The following IGF1R variants were observed in gnomAD, a reference collection of about 807,000 sequenced individuals.
The protein encoded by IGF1R is insulin like growth factor 1 receptor.
In IGF1R, 44 loss-of-function variants were observed where a neutral mutation model predicts 144.6. The ratio of observed to expected loss-of-function variants is 0.30; its 90% CI spans 0.24 to 0.39. IGF1R has a LOEUF of 0.39. IGF1R is among the 10% of genes least tolerant of loss of function. The probability of loss-of-function intolerance (pLI) is 1.00; values close to 1 mark genes in which losing one functional copy is unlikely to be tolerated. For synonymous variants in IGF1R, 795 were observed against 722.8 expected, an observed-to-expected ratio of 1.10 and a Z score of -1.60; for missense variants, 1,355 against 1,833.7, an observed-to-expected ratio of 0.74 and a Z score of 4.77.
chr15:98,949,968 G>A (rs576816702), intron 20 of IGF1R, among the ~76,000 whole-genome samples: 1 of 152,318 alleles, frequency 6.6e-6, no homozygotes, highest in South Asian at 2.1e-4. Context: ...TACAGGTTGG[G>A]AGCAGTGGCC....
At chr15:98,693,991 G>A (rs1358499813) in intron 1 of IGF1R, among the ~76,000 whole-genome samples, 1 of 152,188 alleles carries the variant, frequency 6.6e-6, no homozygotes, top group African/African-American at 2.4e-5. Context: ...GGAGTAATGG[G>A]AGACATTTCT....
chr15:98,676,668 C>G (rs570115020), intron 1 of IGF1R, among the ~76,000 whole-genome samples: 1 of 152,138 alleles, frequency 6.6e-6, no homozygotes, highest in African/African-American at 2.4e-5. Context: ...AAAAAGAAAA[C>G]ACAAATTCAT....
At chr15:98,853,307 T>C (rs1220495701) in intron 2 of IGF1R, among the ~76,000 whole-genome samples, 1 of 152,202 alleles carries the variant, frequency 6.6e-6, no homozygotes, top group Non-Finnish European at 1.5e-5. Flanking sequence ...ACAATGTGGT[T>C]GTATTCAGTG....
At chr15:98,950,268 CAT>C (rs2016723891) in intron 20 of IGF1R, among the ~76,000 whole-genome samples, 2 of 152,322 alleles carry the variant, frequency 1.3e-5, no homozygotes, top group South Asian at 2.1e-4. Flanking sequence ...ATGAACCAGA[CAT>C]GTGTCAGGTG....
chr15:98,950,768 A>G (rs954919370), intron 20 of IGF1R, among the ~76,000 whole-genome samples: 3 of 152,206 alleles, frequency 2.0e-5, no homozygotes, highest in African/African-American at 7.2e-5. Context: ...CATGTTCACA[A>G]GTCCCACCCG....
At chr15:98,887,184 C>G (rs958013796) in intron 2 of IGF1R, among the ~76,000 whole-genome samples, 6 of 152,308 alleles carry the variant, frequency 3.9e-5, no homozygotes, top group Non-Finnish European at 8.8e-5. Flanking sequence ...CACCTGACTT[C>G]CCCAGCCTGT....
At chr15:98,877,911 G>A (rs759633762) in intron 2 of IGF1R, among the ~76,000 whole-genome samples, 4 of 152,174 alleles carry the variant, frequency 2.6e-5, no homozygotes, top group Admixed American at 6.5e-5. Flanking sequence ...CAGTTTAGTC[G>A]TTTAAGTTAT....
chr15:98,769,951 G>A (rs1190539551), intron 2 of IGF1R, among the ~76,000 whole-genome samples: 1 of 152,030 alleles, frequency 6.6e-6, no homozygotes, highest in African/African-American at 2.4e-5. Context: ...TCCGGTGAGT[G>A]TTAATCTCCC....
intron 2 of IGF1R, among the ~76,000 whole-genome samples, chr15:98,783,669 C>G (rs1007700084): frequency 6.6e-6 from 1 of 152,048 alleles, no homozygotes; most frequent in African/African-American, 2.4e-5. Context: ...TTGCTCATTG[C>G]CAGTATATAG....
Position 98,960,314 on chromosome 15 carries a change from C to T in IGF1R, c.*2872C>T. ...TTGCTTTTTTTGTTTTGTTTTCTAT[C>T]TTGGTTTCCACCAAGGTGTTAGATT... On this transcript the variant is annotated 3_prime_UTR_variant, in exon 21 of 21. Coordinates refer to ENST00000650285, the MANE Select transcript of IGF1R (RefSeq NM_000875.5). The T allele has an allele frequency of 4.3e-6, 1 of 233,090 alleles. No individual in the cohort carries two copies. Among genetic ancestry groups the T allele is most frequent in the Non-Finnish European group, 8.5e-6 (1 of 117,964 alleles). 14.4% of individuals were successfully genotyped at this position (233,090 alleles called of 1,614,324 possible). A position where few individuals can be genotyped will look rare whatever the true frequency, so the allele number is the denominator to read the frequency against.
At chr15:98,741,235 C>CTGTT (rs755082795) in intron 2 of IGF1R, among the ~76,000 whole-genome samples, 7 of 70,330 alleles carry the variant, frequency 1.0e-4, no homozygotes, top group South Asian at 4.9e-4. Flanking sequence ...TTTTCCTGAG[C>CTGTT]TTTTTTTTTT....
chr15:98,819,233 A>C (rs935945381), intron 2 of IGF1R, among the ~76,000 whole-genome samples: 11 of 152,280 alleles, frequency 7.2e-5, no homozygotes, highest in Admixed American at 7.2e-4. Flanking sequence ...CTGTCGAGAA[A>C]AATGAAATCA....
intron 2 of IGF1R, among the ~76,000 whole-genome samples, chr15:98,753,817 T>C (rs1409738712): frequency 6.6e-6 from 1 of 152,206 alleles, no homozygotes; most frequent in East Asian, 1.9e-4. Flanking sequence ...AAGATGTGAG[T>C]TGGGAGGTCT....
At chr15:98,669,827 C>G (rs965617104) in intron 1 of IGF1R, among the ~76,000 whole-genome samples, 2 of 152,172 alleles carry the variant, frequency 1.3e-5, no homozygotes, top group African/African-American at 4.8e-5. Context: ...CTGCACAAAG[C>G]TCGGAGGGGC....
chr15:98,952,392 C>T (rs766456607), intron 20 of IGF1R, among the ~76,000 whole-genome samples: 30 of 152,178 alleles, frequency 2.0e-4, no homozygotes, highest in Middle Eastern at 3.4e-3. Context: ...GTTTTCTTGC[C>T]AGCCATTATG....
chr15:98,734,365 G>A (rs1438675839), intron 2 of IGF1R, among the ~76,000 whole-genome samples: 3 of 152,098 alleles, frequency 2.0e-5, no homozygotes, highest in Non-Finnish European at 2.9e-5. Flanking sequence ...AGTCGGCCTT[G>A]GTTAAGTCTT....
In IGF1R at chr15:98,896,766, C is replaced by T. The variant is rs1209471882; in HGVS notation, c.963C>T (p.Cys321=). 1.2e-6 allele frequency: 2 copies of T among 1,613,880 alleles called. No individual in the cohort carries two copies. The highest frequency in any genetic ancestry group is 8.5e-7 in the Non-Finnish European group (1 of 1,179,936). The change falls in exon 4 of 21, where the codon TGC becomes TGT. Residue 321 remains cysteine, a synonymous_variant. Coordinates refer to ENST00000650285, the MANE Select transcript of IGF1R (RefSeq NM_000875.5). ...FIRNGSQSMY[C]IPCEGPCPKV... ...TTTTCTTCTTCAACAGCATGTACTG[C>T]ATCCCTTGTGAAGGTCCTTGCCCGA... is the stretch of plus-strand genomic sequence containing the variant.
At chr15:98,895,380 GC>G (rs1326078327) in intron 3 of IGF1R, among the ~76,000 whole-genome samples, 2 of 151,794 alleles carry the variant, frequency 1.3e-5, no homozygotes, top group Non-Finnish European at 2.9e-5. Context: ...AATCTTTGCA[GC>G]TTTTTGTGAC....
chr15:98,921,889 CT>C (rs780254879), intron 10 of IGF1R, among the ~76,000 whole-genome samples: 57 of 152,222 alleles, frequency 3.7e-4, no homozygotes, highest in African/African-American at 1.3e-3. Flanking sequence ...CACTATTTGC[CT>C]CTAGGTAAAA....
Sources: allele counts gnomAD v4.1 joint callset (sites outside exome capture counted in the v4.1 genomes callset), GRCh38; gene constraint gnomAD v4.1.1; transcripts MANE v1.5; gene names NCBI Gene and HGNC (gene_info 2026-07-23, HGNC 2026-07-21).